KIF13B: variants seen among roughly 807,000 people sequenced by gnomAD.
The protein encoded by KIF13B is kinesin family member 13B.
A neutral mutation model predicts 222.0 loss-of-function variants in KIF13B; 127 were observed. The observed-to-expected ratio is 0.57, with a 90% confidence interval of 0.50 to 0.66. The LOEUF (loss-of-function observed/expected upper bound fraction) is 0.66, where lower values mean the gene tolerates loss of function less well. Among genes scored for constraint, KIF13B ranks in the 30% least tolerant of loss-of-function variants. The pLI is 0.00. For synonymous variants in KIF13B, 976 were observed against 919.0 expected (o/e 1.06, Z -1.12); for missense variants, 2,173 against 2,379.0 (o/e 0.91, Z 1.80).
At chr8:29,238,526 C>G (rs139573966) in intron 2 of KIF13B, among the ~76,000 whole-genome samples, 3 of 152,234 alleles carry the variant, frequency 2.0e-5, no homozygotes, top group African/African-American at 7.2e-5. Flanking sequence ...AATGGCCTTA[C>G]TAAAAAAGAT....
chr8:29,102,182 G>A (rs1040430145), intron 35 of KIF13B, among the ~76,000 whole-genome samples: 5 of 152,000 alleles, frequency 3.3e-5, no homozygotes, highest in African/African-American at 7.3e-5. Context: ...AAAGGACTTC[G>A]CAGGAAACCT....
At chr8:29,230,631 G>A (rs765338235) in intron 2 of KIF13B, among the ~76,000 whole-genome samples, 1 of 152,198 alleles carries the variant, frequency 6.6e-6, no homozygotes, top group African/African-American at 2.4e-5. Flanking sequence ...GAGTGAGCAT[G>A]AGGAAGTGTC....
chr8:29,201,038 A>T (rs927748149), intron 2 of KIF13B, among the ~76,000 whole-genome samples: 1 of 152,226 alleles, frequency 6.6e-6, no homozygotes, highest in Non-Finnish European at 1.5e-5. Flanking sequence ...AATAAGAATC[A>T]TGTGGGGGAT....
chr8:29,161,700 C>CA (rs939369925), intron 12 of KIF13B, among the ~76,000 whole-genome samples: 10 of 10,622 alleles, frequency 9.4e-4, no homozygotes, highest in Non-Finnish European at 2.4e-3. Context: ...CATCTCAAAA[C>CA]CCCCCCCCAA....
At chr8:29,182,688 T>C (rs1794392999) in intron 6 of KIF13B, among the ~76,000 whole-genome samples, 2 of 151,682 alleles carry the variant, frequency 1.3e-5, no homozygotes, top group African/African-American at 4.8e-5. Context: ...GATAGCATAC[T>C]TAATAATATA....
intron 34 of KIF13B, among the ~76,000 whole-genome samples, 190 bp from the exon 35 acceptor site, chr8:29,108,382 T>C (rs1809195903): frequency 6.6e-6 from 1 of 152,190 alleles, no homozygotes; most frequent in South Asian, 2.1e-4. Context: ...TATGAACAAT[T>C]TTCAGATGAG....
Position 29,071,970 on chromosome 8 carries a change from C to T in KIF13B, c.4868G>A (p.Gly1623Asp). ...ACCGGGGCTCACGAGCTGCTGGGGG[C>T]CAGGGGGCTCCTCGGCGGGGACGGC... Reference protein sequence around the residue: ...PTAVPAEEPPGPQQLVSPGRE... With the variant: ...PTAVPAEEPPDPQQLVSPGRE... The change falls in exon 39 of 40, where the codon GGC (glycine) becomes GAC (aspartate). Residue 1623 changes from glycine to aspartate, a missense_variant. Around this residue, in one of 2 missense-constraint regions of KIF13B, gnomAD observed 693 missense variants for 656.2 expected, o/e 1.06. Coordinates refer to ENST00000524189, the MANE Select transcript of KIF13B (RefSeq NM_015254.4). The surrounding 1 kb of genome is among the most constrained non-coding windows in gnomAD (Gnocchi z 4.9). 1 of 1,323,594 alleles carries T rather than the reference C, an allele frequency of 7.6e-7. No individual in the cohort carries two copies. Among genetic ancestry groups the T allele is most frequent in the Non-Finnish European group, 9.6e-7 (1 of 1,041,064 alleles). The allele number at this position is 1,323,594 out of a possible 1,614,324, so 82.0% of individuals were successfully genotyped here. A position where few individuals can be genotyped will look rare whatever the true frequency, so the allele number is the denominator to read the frequency against.
intron 6 of KIF13B, among the ~76,000 whole-genome samples, chr8:29,182,904 G>A (rs1451176348): frequency 6.6e-6 from 1 of 152,000 alleles, no homozygotes; most frequent in African/African-American, 2.4e-5. Context: ...AATGGTAAGT[G>A]TGTGAGGTGA....
chr8:29,203,328 T>C (rs1194295261), intron 2 of KIF13B, among the ~76,000 whole-genome samples: 1 of 152,224 alleles, frequency 6.6e-6, no homozygotes, highest in Non-Finnish European at 1.5e-5. Context: ...ATTTCTGTCT[T>C]GGACTCTACA....
chr8:29,165,039 G>C (rs1042155478), intron 12 of KIF13B, among the ~76,000 whole-genome samples: 3 of 152,082 alleles, frequency 2.0e-5, no homozygotes, highest in Admixed American at 1.3e-4. Flanking sequence ...GTAGAAACAG[G>C]GTTTTGACAT....
At chr8:29,115,326 ATTTT>A (rs371020041) in intron 31 of KIF13B, among the ~76,000 whole-genome samples, 2 of 141,264 alleles carry the variant, frequency 1.4e-5, no homozygotes, top group Non-Finnish European at 1.6e-5. Context: ...AAAAAAAAGA[ATTTT>A]TTTTTTTTTT....
rs771934813 is a variant in KIF13B, at chr8:29,180,097, C to T, written c.720+7G>A. ...TATAAAAACAGGTCATGCATCTGAA[C>T]ACCTACCCCAGACTTCACATCGTAG... is the stretch of plus-strand genomic sequence containing the variant. On this transcript the variant is annotated splice_region_variant and intron_variant, in intron 8 of 39. Coordinates refer to ENST00000524189, the MANE Select transcript of KIF13B (RefSeq NM_015254.4). The T allele has an allele frequency of 7.4e-6, 12 of 1,613,698 alleles. No homozygotes were observed. The highest frequency in any genetic ancestry group is 1.1e-5 in the South Asian group (1 of 91,006).
chr8:29,191,580 A>G (rs902517379), intron 3 of KIF13B, among the ~76,000 whole-genome samples: 6 of 152,220 alleles, frequency 3.9e-5, no homozygotes, highest in Admixed American at 6.5e-5. Flanking sequence ...AAAAGTTATA[A>G]AAGTCTAGAG....
chr8:29,183,354 G>T (rs975587184), intron 6 of KIF13B, among the ~76,000 whole-genome samples: 1 of 151,936 alleles, frequency 6.6e-6, no homozygotes, highest in Non-Finnish European at 1.5e-5. Context: ...GTTTTGCCAT[G>T]TTGGCCAGGC....
intron 36 of KIF13B, among the ~76,000 whole-genome samples, chr8:29,093,800 C>G (rs1026410060): frequency 2.0e-5 from 3 of 151,802 alleles, no homozygotes; most frequent in African/African-American, 7.3e-5. Flanking sequence ...AGGGCGACCA[C>G]TGAAAAATAA....
chr8:29,180,485 A>G (rs1812667406), intron 7 of KIF13B, among the ~76,000 whole-genome samples: 1 of 152,212 alleles, frequency 6.6e-6, no homozygotes, highest in Non-Finnish European at 1.5e-5. Flanking sequence ...TTCAGAAGCT[A>G]CACCTTTGGT....
At position 29,114,582 on chromosome 8, in the gene KIF13B, G is replaced by A. The variant is rs144693166; in HGVS notation, c.3838-1027C>T. Among the ~76,000 whole-genome samples the A allele has an allele frequency of 9.4e-3, 1,424 of 152,238 alleles. 25 individuals are homozygous for A. Among genetic ancestry groups the A allele is most frequent in the African/African-American group, 0.033 (1,351 of 41,530 alleles). ...TTTGTATGGAATTAGTGAAGCTGAC[G>A]TGTGTGTATTAGGGTCATGTGGAAG... On this transcript the variant is annotated intron_variant, in intron 31 of 39. Coordinates refer to ENST00000524189, the MANE Select transcript of KIF13B (RefSeq NM_015254.4).
At chr8:29,171,753 T>A (rs575017328) in intron 10 of KIF13B, among the ~76,000 whole-genome samples, 1 of 150,116 alleles carries the variant, frequency 6.7e-6, no homozygotes, top group Non-Finnish European at 1.5e-5. Flanking sequence ...ATAATTTTTT[T>A]TTCTTCTTTT....
chr8:29,162,729 T>G (rs1330557037), intron 12 of KIF13B, among the ~76,000 whole-genome samples: 1 of 152,202 alleles, frequency 6.6e-6, no homozygotes, highest in Non-Finnish European at 1.5e-5. Flanking sequence ...CACCAAAAAC[T>G]AAAGTTTTAA....
Sources: gnomAD v4.1 joint callset for allele counts (sites outside exome capture counted in the v4.1 genomes callset) on GRCh38, gnomAD v4.1.1 for gene constraint, gnomAD v4.1.1 regional missense constraint, Gnocchi (gnomAD v3.1) non-coding constraint, MANE v1.5 for transcripts, NCBI Gene and HGNC (gene_info 2026-07-23, HGNC 2026-07-21) for gene names.